SPAG16: variants seen among roughly 807,000 people sequenced by gnomAD.
SPAG16 encodes sperm-associated antigen 16 protein.
SPAG16 carries 86 observed loss-of-function variants against 80.4 expected under a neutral mutation model. The ratio of observed to expected loss-of-function variants is 1.07; its 90% confidence interval spans 0.90 to 1.28. SPAG16 has a LOEUF of 1.28. SPAG16 is among the 50% of genes most tolerant of loss of function. The probability of loss-of-function intolerance (pLI) is 0.00; values close to 1 mark genes in which losing one functional copy is unlikely to be tolerated. For synonymous variants in SPAG16, 294 were observed against 265.9 expected (o/e 1.11, Z -1.03); for missense variants, 870 against 765.3 (o/e 1.14, Z -1.61).
At chr2:214,018,256 AAAAAC>A (rs1202802789) in intron 13 of SPAG16, among the ~76,000 whole-genome samples, 1 of 152,120 alleles carries the variant, frequency 6.6e-6, no homozygotes, top group Non-Finnish European at 1.5e-5. Flanking sequence ...TAATTTATTA[AAAAAC>A]AAAACAAAAC....
chr2:213,445,662 G>A (rs553026645), intron 9 of SPAG16, among the ~76,000 whole-genome samples: 11 of 151,992 alleles, frequency 7.2e-5, no homozygotes, highest in South Asian at 2.1e-4. Context: ...GTGAAACTCC[G>A]TCTCAAAAAA....
intron 9 of SPAG16, among the ~76,000 whole-genome samples, chr2:213,431,075 A>G (rs1198698722): frequency 2.6e-5 from 4 of 152,200 alleles, no homozygotes; most frequent in Non-Finnish European, 5.9e-5. Flanking sequence ...TGAGTTCTAA[A>G]CATGGGAAAG....
intron 10 of SPAG16, among the ~76,000 whole-genome samples, chr2:213,547,682 T>C (rs1352978725): frequency 2.0e-5 from 3 of 152,120 alleles, no homozygotes; most frequent in Non-Finnish European, 2.9e-5. Flanking sequence ...ACAGTGAAAT[T>C]CCCATTGTCA....
chr2:213,335,331 T>A (rs1286518967), intron 5 of SPAG16, among the ~76,000 whole-genome samples: 4 of 152,204 alleles, frequency 2.6e-5, no homozygotes, highest in African/African-American at 9.6e-5. Context: ...ATACAGGCTT[T>A]ATTGTTGTTG....
At chr2:214,351,834 C>T (rs1698436410) in intron 15 of SPAG16, among the ~76,000 whole-genome samples, 1 of 67,900 alleles carries the variant, frequency 1.5e-5, no homozygotes, top group Non-Finnish European at 5.4e-5. Context: ...CTATTTGACA[C>T]ACAAAAAAAA....
intron 10 of SPAG16, among the ~76,000 whole-genome samples, chr2:213,663,584 C>T (rs2063499589): frequency 6.6e-6 from 1 of 152,024 alleles, no homozygotes; most frequent in East Asian, 1.9e-4. Context: ...ATAACGTATA[C>T]ATAAAACATC....
chr2:214,275,427 T>A (rs1692391381), intron 15 of SPAG16, among the ~76,000 whole-genome samples: 2 of 152,164 alleles, frequency 1.3e-5, no homozygotes, highest in South Asian at 4.1e-4. Context: ...TTTGTGGGCA[T>A]TTAGTGCTAT....
chr2:214,325,839 T>C (rs919532590), intron 15 of SPAG16, among the ~76,000 whole-genome samples: 4 of 152,154 alleles, frequency 2.6e-5, no homozygotes, highest in South Asian at 2.1e-4. Flanking sequence ...AATAGAGATA[T>C]TGATTTTAAA....
chr2:213,377,621 G>A (rs184000986), intron 9 of SPAG16, among the ~76,000 whole-genome samples: 18 of 152,110 alleles, frequency 1.2e-4, no homozygotes, highest in Non-Finnish European at 1.6e-4. Flanking sequence ...GTGTGTGGCC[G>A]TTCGTAAATC....
chr2:213,969,097 G>A (rs1471190183), intron 12 of SPAG16, among the ~76,000 whole-genome samples: 2 of 152,206 alleles, frequency 1.3e-5, no homozygotes, highest in African/African-American at 4.8e-5. Flanking sequence ...AACTACAACA[G>A]TTGTGTAGTG....
chr2:213,598,510 T>C (rs2060954652), intron 10 of SPAG16, among the ~76,000 whole-genome samples: 1 of 152,230 alleles, frequency 6.6e-6, no homozygotes, highest in African/African-American at 2.4e-5. Flanking sequence ...TGATGATCAC[T>C]GGGAAGAATT....
intron 10 of SPAG16, among the ~76,000 whole-genome samples, chr2:213,561,457 T>A (rs76829423): frequency 0.059 from 8,931 of 152,238 alleles, 870 homozygotes; most frequent in African/African-American, 0.2. Context: ...TAGTAAATGC[T>A]TGAGTGGATA....
At chr2:214,077,657 A>G (rs536785174) in intron 13 of SPAG16, among the ~76,000 whole-genome samples, 11 of 152,316 alleles carry the variant, frequency 7.2e-5, no homozygotes, top group African/African-American at 1.4e-4. Flanking sequence ...TCAGACTTCA[A>G]TTAAACACCA....
At chr2:214,405,534 G>C (rs1217308494) in intron 15 of SPAG16, among the ~76,000 whole-genome samples, 1 of 152,146 alleles carries the variant, frequency 6.6e-6, no homozygotes, top group Non-Finnish European at 1.5e-5. Flanking sequence ...AGTGGCTCAT[G>C]CCTGTAATCC....
At chr2:213,291,750 G>A (rs1237003597) in intron 1 of SPAG16, among the ~76,000 whole-genome samples, 4 of 152,142 alleles carry the variant, frequency 2.6e-5, no homozygotes, top group Non-Finnish European at 5.9e-5. Flanking sequence ...CAAATTTATG[G>A]CATTTGTATC....
chr2:214,165,774 A>C (rs2056630451), intron 15 of SPAG16, among the ~76,000 whole-genome samples: 1 of 151,970 alleles, frequency 6.6e-6, no homozygotes. Flanking sequence ...TATGTCAGTC[A>C]ACCAGATTAG....
intron 10 of SPAG16, among the ~76,000 whole-genome samples, chr2:213,602,963 C>T (rs952445614): frequency 2.0e-5 from 3 of 152,230 alleles, no homozygotes; most frequent in African/African-American, 4.8e-5. Context: ...ACTTACAGTG[C>T]ATATTTGCAA....
At chr2:213,813,271 A>G in intron 10 of SPAG16, among the ~76,000 whole-genome samples, 1 of 152,348 alleles carries the variant, frequency 6.6e-6, no homozygotes, top group East Asian at 1.9e-4. Context: ...GGAAACCATT[A>G]AAATGGGTAA....
At chr2:213,772,750 TA>T (rs1027701291) in intron 10 of SPAG16, among the ~76,000 whole-genome samples, 2 of 152,132 alleles carry the variant, frequency 1.3e-5, no homozygotes, top group African/African-American at 4.8e-5. Context: ...TCTATTTCTA[TA>T]AAAAAGCCTA....
Sources: gnomAD v4.1 joint callset for allele counts (sites outside exome capture counted in the v4.1 genomes callset) on GRCh38, gnomAD v4.1.1 for gene constraint, MANE v1.5 for transcripts, NCBI Gene and HGNC (gene_info 2026-07-23, HGNC 2026-07-21) for gene names.